The following SORCS3 variants were observed in gnomAD, a reference collection of about 807,000 sequenced individuals.
SORCS3 encodes sortilin related VPS10 domain containing receptor 3.
Under a neutral mutation model 146.3 loss-of-function variants are expected in SORCS3, and 57 were observed. That is an observed-to-expected ratio of 0.39 (90% confidence interval 0.31 to 0.49). SORCS3 has a LOEUF of 0.49. Among genes scored for constraint, SORCS3 ranks in the 20% least tolerant of loss-of-function variants. The probability of loss-of-function intolerance (pLI) is 0.92; values close to 1 mark genes in which losing one functional copy is unlikely to be tolerated. For synonymous variants in SORCS3, 653 were observed against 618.5 expected, an observed-to-expected ratio of 1.06 and a Z score of -0.83; for missense variants, 1,341 against 1,575.5, an observed-to-expected ratio of 0.85 and a Z score of 2.52.
intron 1 of SORCS3, among the ~76,000 whole-genome samples, chr10:104,650,837 C>A (rs1346256213): frequency 6.6e-6 from 1 of 152,204 alleles, no homozygotes; most frequent in East Asian, 1.9e-4. Flanking sequence ...GTCCCACGTG[C>A]CTGACATCCT....
intron 12 of SORCS3, among the ~76,000 whole-genome samples, chr10:105,167,056 G>GGAAAT (rs1190591696): frequency 1.3e-5 from 2 of 152,120 alleles, no homozygotes; most frequent in Non-Finnish European, 2.9e-5. Flanking sequence ...CAATTTGAGT[G>GGAAAT]GCCTAGGGAC....
intron 7 of SORCS3, among the ~76,000 whole-genome samples, chr10:105,131,054 T>G (rs2133772319): frequency 6.6e-6 from 1 of 152,304 alleles, no homozygotes; most frequent in South Asian, 2.1e-4. Context: ...CTGATGAAAC[T>G]TGTAGCTGTT....
At chr10:104,850,857 C>G (rs1250178584) in intron 2 of SORCS3, among the ~76,000 whole-genome samples, 4 of 152,208 alleles carry the variant, frequency 2.6e-5, no homozygotes, top group African/African-American at 9.6e-5. Context: ...CTTTCCTGAG[C>G]TAACAGCACT....
Position 105,157,126 on chromosome 10 carries a change from C to T in SORCS3, c.1483-12C>T, listed in dbSNP as rs1019436426. On this transcript the variant is annotated splice_polypyrimidine_tract_variant and intron_variant, in intron 9 of 26. Transcript: ENST00000369701. ...CCCAGCATGGTTCTCCATCTCTCAC[C>T]TTTTTTCCTAGGTAGCAGGTATCAA... 1.2e-6 allele frequency: 2 copies of T among 1,613,252 alleles called. No homozygotes were observed. The highest frequency in any genetic ancestry group is 2.7e-5 in the African/African-American group (2 of 74,886).
intron 1 of SORCS3, among the ~76,000 whole-genome samples, chr10:104,662,665 T>C (rs147194964): frequency 3.3e-5 from 5 of 152,332 alleles, no homozygotes; most frequent in African/African-American, 1.2e-4. Context: ...TAGACTGGCA[T>C]GTTCTTTTCT....
intron 1 of SORCS3, among the ~76,000 whole-genome samples, chr10:104,645,587 A>T (rs1268461797): frequency 6.6e-6 from 1 of 152,134 alleles, no homozygotes; most frequent in East Asian, 1.9e-4. Context: ...CCTGCAGTGT[A>T]TCTGCTTGGA....
intron 16 of SORCS3, among the ~76,000 whole-genome samples, chr10:105,206,857 T>C (rs1327083139): frequency 1.3e-5 from 2 of 152,142 alleles, no homozygotes; most frequent in Non-Finnish European, 1.5e-5. Flanking sequence ...CCTACCATGC[T>C]ATCCTGCCTG....
intron 2 of SORCS3, among the ~76,000 whole-genome samples, chr10:104,866,870 A>G (rs2018464767): frequency 6.6e-6 from 1 of 152,168 alleles, no homozygotes; most frequent in Non-Finnish European, 1.5e-5. Context: ...CTGGTTCTGT[A>G]TACTTTTTAA....
chr10:104,727,645 G>T (rs2133450525), intron 1 of SORCS3, among the ~76,000 whole-genome samples: 1 of 151,964 alleles, frequency 6.6e-6, no homozygotes, highest in African/African-American at 2.4e-5. Flanking sequence ...GTGTGTGTGT[G>T]CATCTCCTTT....
intron 5 of SORCS3, among the ~76,000 whole-genome samples, chr10:105,067,135 T>C (rs2055527977): frequency 6.6e-6 from 1 of 152,188 alleles, no homozygotes; most frequent in Admixed American, 6.5e-5. Flanking sequence ...TCTTCCATCT[T>C]GAAAAAGAGA....
In SORCS3 at chr10:105,106,183, A is replaced by G. The variant is rs2055820101; in HGVS notation, c.1212+668A>G. Among the ~76,000 whole-genome samples the G allele has an allele frequency of 3.9e-5, 6 of 152,208 alleles. 2 individuals carry two copies. The South Asian group carries it at 1.2e-3, about 31-fold the overall frequency. ...ACAGAGGATGCATGTGATAAATCAA[A>G]CATGGTATTTGATTGCAACCTTGAT... On this transcript the variant is annotated intron_variant, in intron 7 of 26. Coordinates refer to ENST00000369701, the MANE Select transcript of SORCS3 (RefSeq NM_014978.3).
intron 1 of SORCS3, among the ~76,000 whole-genome samples, chr10:104,787,050 C>A (rs114244540): frequency 6.6e-6 from 1 of 152,198 alleles, no homozygotes; most frequent in Admixed American, 6.5e-5. Context: ...CAGAGCAGCA[C>A]AGTCATGGAC....
At chr10:105,215,896 G>A (rs1442056959) in intron 18 of SORCS3, among the ~76,000 whole-genome samples, 3 of 145,116 alleles carry the variant, frequency 2.1e-5, no homozygotes, top group African/African-American at 5.1e-5. Context: ...TATATGAACA[G>A]AGCAATGCTA....
chr10:104,984,984 C>T (rs1291627834), intron 4 of SORCS3, among the ~76,000 whole-genome samples: 1 of 152,088 alleles, frequency 6.6e-6, no homozygotes, highest in Non-Finnish European at 1.5e-5. Flanking sequence ...TAGATGACTC[C>T]TAAGGGTGGT....
chr10:104,992,404 G>A (rs900839372), intron 4 of SORCS3, among the ~76,000 whole-genome samples: 6 of 152,192 alleles, frequency 3.9e-5, no homozygotes, highest in Non-Finnish European at 7.3e-5. Context: ...TAAGCTAGAC[G>A]TGTTTTGTTT....
intron 7 of SORCS3, among the ~76,000 whole-genome samples, chr10:105,113,391 T>C (rs910022288): frequency 5.9e-5 from 9 of 152,166 alleles, no homozygotes; most frequent in African/African-American, 2.2e-4. Flanking sequence ...GTTTAAATAA[T>C]GAAAAACCTT....
intron 14 of SORCS3, among the ~76,000 whole-genome samples, chr10:105,183,523 T>C (rs1427436485): frequency 6.6e-6 from 1 of 152,150 alleles, no homozygotes; most frequent in Non-Finnish European, 1.5e-5. Context: ...TCCGATAAAG[T>C]CGTTGAAAAT....
intron 7 of SORCS3, among the ~76,000 whole-genome samples, chr10:105,111,146 T>C (rs559406888): frequency 6.6e-5 from 10 of 152,240 alleles, no homozygotes; most frequent in Non-Finnish European, 1.2e-4. Flanking sequence ...ACTGTGCCAT[T>C]TCTTACTGTA....
chr10:105,248,133 G>A (rs1236821752), intron 22 of SORCS3, among the ~76,000 whole-genome samples: 1 of 152,180 alleles, frequency 6.6e-6, no homozygotes, highest in Non-Finnish European at 1.5e-5. Context: ...AAAGGGTTTT[G>A]TTAAACATTT....
Sources: allele counts gnomAD v4.1 joint callset (sites outside exome capture counted in the v4.1 genomes callset), GRCh38; gene constraint gnomAD v4.1.1; transcripts MANE v1.5; gene names NCBI Gene and HGNC (gene_info 2026-07-23, HGNC 2026-07-21).